The following UTRN variants were observed in gnomAD, a reference collection of about 807,000 sequenced individuals.
The protein encoded by UTRN is dystrophin-related protein 1.
UTRN carries 283 observed loss-of-function variants against 463.9 expected under a neutral mutation model. That is an observed-to-expected ratio of 0.61 (90% CI 0.55 to 0.67). The LOEUF (loss-of-function observed/expected upper bound fraction) is 0.67, where lower values mean the gene tolerates loss of function less well. Ranked by LOEUF, UTRN falls within the 30% of genes least tolerant of loss-of-function variation. UTRN has a pLI of 0.00. For missense variants in UTRN, 3,922 were observed against 4,084.3 expected, an observed-to-expected ratio of 0.96 and a Z score of 1.08; for synonymous variants, 1,442 against 1,431.5, an observed-to-expected ratio of 1.01 and a Z score of -0.17.
chr6:144,841,744 A>G (rs1412343810), intron 73 of UTRN, among the ~76,000 whole-genome samples: 1 of 152,186 alleles, frequency 6.6e-6, no homozygotes, highest in African/African-American at 2.4e-5. Context: ...TTTTAAATCC[A>G]GGGCAGTCAC....
At chr6:144,600,331 A>G (rs889623625) in intron 51 of UTRN, among the ~76,000 whole-genome samples, 1 of 152,268 alleles carries the variant, frequency 6.6e-6, no homozygotes, top group African/African-American at 2.4e-5. Flanking sequence ...AAAGCCAGGC[A>G]GGCCTCTTGC....
intron 54 of UTRN, among the ~76,000 whole-genome samples, chr6:144,745,653 C>T (rs1053521736): frequency 2.0e-5 from 3 of 152,244 alleles, no homozygotes; most frequent in South Asian, 2.1e-4. Context: ...AAGATAAAAA[C>T]GTCAGAGGCA....
chr6:144,424,535 G>A (rs917833442), intron 6 of UTRN, among the ~76,000 whole-genome samples: 11 of 152,090 alleles, frequency 7.2e-5, no homozygotes, highest in Admixed American at 1.3e-4. Context: ...CTGAGGGTTA[G>A]GACTTCAACA....
rs114495200 is a variant in UTRN at position 144,523,156 on chromosome 6, C to T, written c.5874C>T (p.Asp1958=). ...TTACTCAGCTGAATGCAAAATGGGA[C>T]AGAATTAATAGAATGTACAGTGATC... ...DTLTQLNAKW[D]RINRMYSDRK... Residue 1958 remains aspartate, a synonymous_variant, in exon 41 of 75, where the codon GAC becomes GAT. Transcript: ENST00000367545. The T allele has an allele frequency of 1.0e-4, 162 of 1,610,904 alleles. No homozygotes were observed. The African/African-American group carries it at 1.8e-3, about 18-fold the overall frequency.
At chr6:144,728,380 T>C (rs985354174) in intron 53 of UTRN, among the ~76,000 whole-genome samples, 2 of 152,118 alleles carry the variant, frequency 1.3e-5, no homozygotes, top group African/African-American at 4.8e-5. Flanking sequence ...TGTAAATGTG[T>C]ATTTTTTTGG....
At position 144,772,979 on chromosome 6, in the gene UTRN, G is replaced by GTT. The variant is rs1044583434; in HGVS notation, c.8557+1021_8557+1022dup. Among the ~76,000 whole-genome samples, 6 of 142,164 alleles carry GTT rather than the reference G, an allele frequency of 4.2e-5. 1 individual carries two copies. Among genetic ancestry groups the GTT allele is most frequent in the African/African-American group, 1.0e-4 (4 of 38,948 alleles). 93.3% of individuals were successfully genotyped at this position (142,164 alleles called of 152,430 possible). A position where few individuals can be genotyped will look rare whatever the true frequency, so the allele number is the denominator to read the frequency against. Reference sequence around the variant, plus strand: ...TTAAATGTTGGGCTTCTGTGTGAGTGTTTTTTTTTTTGGTGGGTGAAGGGG... The same window carrying GTT: ...TTAAATGTTGGGCTTCTGTGTGAGTGTTTTTTTTTTTTTGGTGGGTGAAGGGG... On this transcript the variant is annotated intron_variant, in intron 59 of 74. Transcript: ENST00000367545.
chr6:144,803,212 T>G (rs2128747323), intron 65 of UTRN, 65 bp downstream of exon 65: 1 of 989,164 alleles, frequency 1.0e-6, no homozygotes, highest in South Asian at 3.8e-5. Context: ...ATCTAAAATT[T>G]TATTATTTAT....
At chr6:144,385,387 T>C (rs1713347200) in intron 2 of UTRN, among the ~76,000 whole-genome samples, 1 of 152,178 alleles carries the variant, frequency 6.6e-6, no homozygotes, top group African/African-American at 2.4e-5. Context: ...TAAAACTGAC[T>C]AAGGTGATCA....
intron 51 of UTRN, among the ~76,000 whole-genome samples, chr6:144,638,620 G>A (rs1777438573): frequency 1.3e-5 from 2 of 152,108 alleles, no homozygotes; most frequent in Non-Finnish European, 2.9e-5. Flanking sequence ...GTTAGGTCTA[G>A]GGTATATCTG....
chr6:144,671,320 G>C (rs1011612193), intron 51 of UTRN, among the ~76,000 whole-genome samples: 1 of 151,990 alleles, frequency 6.6e-6, no homozygotes, highest in Non-Finnish European at 1.5e-5. Flanking sequence ...TCTTTCAGCA[G>C]CATTTTATAG....
intron 58 of UTRN, among the ~76,000 whole-genome samples, chr6:144,763,546 G>A (rs1015668855): frequency 6.6e-6 from 1 of 152,074 alleles, no homozygotes. Flanking sequence ...ACTTGTCTTG[G>A]CAGAACTACA....
At chr6:144,768,087 A>G (rs929142957) in intron 58 of UTRN, among the ~76,000 whole-genome samples, 1 of 152,186 alleles carries the variant, frequency 6.6e-6, no homozygotes, top group Non-Finnish European at 1.5e-5. Flanking sequence ...CCAGAAATCA[A>G]GATTTTACCA....
At chr6:144,403,366 C>T (rs1049805779) in intron 3 of UTRN, among the ~76,000 whole-genome samples, 182 bp downstream of exon 3, 1 of 152,118 alleles carries the variant, frequency 6.6e-6, no homozygotes, top group Non-Finnish European at 1.5e-5. Context: ...AATTCTCATG[C>T]ACATAGTTTA....
chr6:144,539,135 A>G (rs1310127984), intron 44 of UTRN, among the ~76,000 whole-genome samples, 159 bp from the exon 45 acceptor site: 1 of 152,226 alleles, frequency 6.6e-6, no homozygotes, highest in East Asian at 1.9e-4. Context: ...CCTAGTTATC[A>G]TTTGTTAGCA....
At chr6:144,847,715 C>T (rs1183836129) in intron 74 of UTRN, among the ~76,000 whole-genome samples, 1 of 152,020 alleles carries the variant, frequency 6.6e-6, no homozygotes. Flanking sequence ...GATTTGGGGA[C>T]CCTTAGAAAT....
Position 144,522,083 on chromosome 6 carries a change from G to C in UTRN, c.5645G>C (p.Cys1882Ser), listed in dbSNP as rs973802062. Residue 1882 changes from cysteine to serine, a missense_variant, in exon 40 of 75, where the codon TGC becomes TCC. Coordinates refer to ENST00000367545, the MANE Select transcript of UTRN (RefSeq NM_007124.3). ...GTTGAAATTAACAAAATTTTACTTT[G>C]CATGGATGATGTTGAATTATCGCTT... ...YLVEINKILL[C>S]MDDVELSLNV... 2.0e-5 allele frequency: 32 copies of C among 1,588,392 alleles called. No homozygotes were observed. The highest frequency in any genetic ancestry group is 2.7e-5 in the Non-Finnish European group (32 of 1,169,196).
At position 144,357,916 on chromosome 6, in the gene UTRN, A is replaced by T. The variant is rs926615764; in HGVS notation, c.80-45207A>T. On this transcript the variant is annotated intron_variant, in intron 2 of 74. Transcript: ENST00000367545. ...GTCAATTCCTTGCTGTAGGGAGAGG[A>T]AGGGTAGGAGCCTGTGGCTCCCTCC... Among the ~76,000 whole-genome samples, 4 of 152,240 alleles carry T rather than the reference A, an allele frequency of 2.6e-5. No homozygotes were observed. The East Asian group carries it at 5.8e-4, about 22-fold the overall frequency.
At chr6:144,793,398 A>G (rs1776933568) in intron 62 of UTRN, among the ~76,000 whole-genome samples, 2 of 152,090 alleles carry the variant, frequency 1.3e-5, no homozygotes, top group African/African-American at 4.8e-5. Context: ...CATGCACCAC[A>G]GCACCCAACT....
In UTRN at chr6:144,672,642, T is replaced by A. The variant is rs575886970; in HGVS notation, c.7480-5764T>A. Among the ~76,000 whole-genome samples the A allele has an allele frequency of 1.2e-4, 18 of 150,806 alleles. No homozygotes were observed. In the South Asian group the frequency reaches 3.7e-3, roughly 31 times the overall value. ...CTCTTTGTTTCACTTACTTTTTGTG[T>A]TTTTTGTTTGTTTGTTTCACTTTCA... On this transcript the variant is annotated intron_variant, in intron 51 of 74. Transcript: ENST00000367545.
Sources: gnomAD v4.1 joint callset for allele counts (sites outside exome capture counted in the v4.1 genomes callset) on GRCh38, gnomAD v4.1.1 for gene constraint, MANE v1.5 for transcripts, NCBI Gene and HGNC (gene_info 2026-07-23, HGNC 2026-07-21) for gene names.